BRINP1: variants seen among roughly 807,000 people sequenced by gnomAD.
The protein encoded by BRINP1 is BMP/retinoic acid-inducible neural-specific protein 1.
Under a neutral mutation model 72.9 loss-of-function variants are expected in BRINP1, and 17 were observed. That is an observed-to-expected ratio of 0.23 (90% CI 0.16 to 0.35). The LOEUF is 0.35. Ranked by LOEUF, BRINP1 falls within the 10% of genes least tolerant of loss-of-function variation. BRINP1 has a pLI of 1.00. For missense variants in BRINP1, 850 were observed against 1,001.6 expected, an observed-to-expected ratio of 0.85 and a Z score of 2.04; for synonymous variants, 418 against 378.5, an observed-to-expected ratio of 1.10 and a Z score of -1.21.
At chr9:119,330,992 T>C (rs1428565926) in intron 1 of BRINP1, among the ~76,000 whole-genome samples, 2 of 152,138 alleles carry the variant, frequency 1.3e-5, no homozygotes, top group East Asian at 3.9e-4. Context: ...GTGCCACTGC[T>C]CTCCAGTTTG....
intron 2 of BRINP1, among the ~76,000 whole-genome samples, chr9:119,297,321 G>A (rs554595319): frequency 1.3e-5 from 2 of 152,266 alleles, no homozygotes; most frequent in East Asian, 1.9e-4. Context: ...AGGAGGACAC[G>A]GGCTCCTTGG....
At chr9:119,346,783 A>C (rs948502693) in intron 1 of BRINP1, among the ~76,000 whole-genome samples, 2 of 152,222 alleles carry the variant, frequency 1.3e-5, no homozygotes, top group Non-Finnish European at 2.9e-5. Context: ...CCTTCAAGGA[A>C]CTTAAAATGC....
chr9:119,233,333 T>G (rs1171355438), intron 5 of BRINP1, among the ~76,000 whole-genome samples: 1 of 152,108 alleles, frequency 6.6e-6, no homozygotes, highest in African/African-American at 2.4e-5. Context: ...GCCTTCTTCA[T>G]GGGAATCATG....
intron 1 of BRINP1, among the ~76,000 whole-genome samples, chr9:119,365,828 A>C (rs1831684971): frequency 6.6e-6 from 1 of 152,046 alleles, no homozygotes; most frequent in South Asian, 2.1e-4. Context: ...CCTTGGTTGA[A>C]ATGGAGTCAC....
At chr9:119,262,964 A>G (rs1830512410) in intron 2 of BRINP1, among the ~76,000 whole-genome samples, 1 of 152,202 alleles carries the variant, frequency 6.6e-6, no homozygotes, top group African/African-American at 2.4e-5. Context: ...AAGAATGTAC[A>G]TTTTGCCGGA....
chr9:119,213,859 G>T, intron 6 of BRINP1, 60 bp downstream of exon 6: 1 of 1,426,282 alleles, frequency 7.0e-7, no homozygotes, highest in South Asian at 1.2e-5. Flanking sequence ...AGTTAGATTA[G>T]CTCCCTTTCA....
intron 4 of BRINP1, among the ~76,000 whole-genome samples, chr9:119,239,982 A>C (rs1004069932): frequency 6.6e-5 from 10 of 152,146 alleles, no homozygotes; most frequent in African/African-American, 2.2e-4. Flanking sequence ...GGTCTTAAAC[A>C]GACCCAGGCC....
At chr9:119,275,921 C>G (rs954440504) in intron 2 of BRINP1, among the ~76,000 whole-genome samples, 3 of 152,172 alleles carry the variant, frequency 2.0e-5, no homozygotes. Flanking sequence ...CTGTCCTCCC[C>G]ATCTGATCAC....
intron 5 of BRINP1, among the ~76,000 whole-genome samples, chr9:119,214,923 G>A (rs1368165953): frequency 2.0e-5 from 3 of 152,198 alleles, no homozygotes; most frequent in Non-Finnish European, 2.9e-5. Flanking sequence ...TGCTCGTGCT[G>A]TAGAAAATAG....
rs534801236 is a variant in BRINP1 at position 119,243,671 on chromosome 9, C to A, written c.410-1455G>T. Among the ~76,000 whole-genome samples the A allele has an allele frequency of 3.3e-5, 5 of 152,322 alleles. No homozygotes were observed. The South Asian group carries it at 8.3e-4, about 25-fold the overall frequency. Reference sequence around the variant, plus strand: ...TTGAACTAATTTACGTTCCCACCAACAGTGTAAAAACGTTTGTTCAATTGA... The same window carrying A: ...TTGAACTAATTTACGTTCCCACCAAAAGTGTAAAAACGTTTGTTCAATTGA... On this transcript the variant is annotated intron_variant, in intron 3 of 7. Transcript: ENST00000265922.
At chr9:119,278,353 ACAGT>A (rs1197200420) in intron 2 of BRINP1, among the ~76,000 whole-genome samples, 3 of 152,120 alleles carry the variant, frequency 2.0e-5, no homozygotes, top group Non-Finnish European at 4.4e-5. Context: ...CATTCCCTAC[ACAGT>A]CAGAGGCAGG....
chr9:119,332,879 G>A (rs538012451), intron 1 of BRINP1, among the ~76,000 whole-genome samples: 1 of 152,268 alleles, frequency 6.6e-6, no homozygotes, highest in South Asian at 2.1e-4. Context: ...TGGGAAGAGA[G>A]AGGTTGTTAT....
chr9:119,268,448 G>A (rs1564233833), intron 2 of BRINP1, among the ~76,000 whole-genome samples: 1 of 151,958 alleles, frequency 6.6e-6, no homozygotes, highest in South Asian at 2.1e-4. Context: ...GGCAGGGATG[G>A]GTTGACTCTC....
At chr9:119,348,444 C>T (rs1036419159) in intron 1 of BRINP1, among the ~76,000 whole-genome samples, 30 of 152,268 alleles carry the variant, frequency 2.0e-4, no homozygotes, top group South Asian at 6.2e-4. Context: ...TTTGTGTGGA[C>T]ATCAGTTTTC....
At chr9:119,361,170 G>A (rs1831625204) in intron 1 of BRINP1, among the ~76,000 whole-genome samples, 1 of 152,070 alleles carries the variant, frequency 6.6e-6, no homozygotes, top group Non-Finnish European at 1.5e-5. Flanking sequence ...GTCTCATTCA[G>A]TCTATTCTCC....
intron 1 of BRINP1, among the ~76,000 whole-genome samples, chr9:119,328,700 A>C (rs1473033003): frequency 6.6e-6 from 1 of 152,224 alleles, no homozygotes; most frequent in East Asian, 1.9e-4. Flanking sequence ...CAATAGATTG[A>C]GTATCAGAGA....
chr9:119,344,753 A>G (rs913136384), intron 1 of BRINP1, among the ~76,000 whole-genome samples: 2 of 152,196 alleles, frequency 1.3e-5, no homozygotes, highest in Non-Finnish European at 2.9e-5. Context: ...AAATATGCAA[A>G]TAGCTTTGTT....
chr9:119,361,878 A>C (rs1831636646), intron 1 of BRINP1, among the ~76,000 whole-genome samples: 1 of 138,710 alleles, frequency 7.2e-6, no homozygotes, highest in Non-Finnish European at 1.5e-5. Flanking sequence ...ATCTCAGCTC[A>C]CTGCAACCTC....
rs376794438 is a variant in BRINP1 at position 119,237,566 on chromosome 9, G to A, written c.685+1089C>T. On this transcript the variant is annotated intron_variant, in intron 5 of 7. Coordinates refer to ENST00000265922, the MANE Select transcript of BRINP1 (RefSeq NM_014618.3). Reference sequence around the variant, plus strand: ...TTTAGTAGAGACGGGGTTTCACCGCGTTAGCCAGGATGGTCTCAATCTCCT... The same window carrying A: ...TTTAGTAGAGACGGGGTTTCACCGCATTAGCCAGGATGGTCTCAATCTCCT... Among the ~76,000 whole-genome samples the A allele has an allele frequency of 4.7e-4, 71 of 151,936 alleles. No homozygotes were observed. In the East Asian group the frequency reaches 0.01, roughly 22 times the overall value.
Sources: allele counts gnomAD v4.1 joint callset (sites outside exome capture counted in the v4.1 genomes callset), GRCh38; gene constraint gnomAD v4.1.1; transcripts MANE v1.5; gene names NCBI Gene and HGNC (gene_info 2026-07-23, HGNC 2026-07-21).